The following MAOB variants were observed in gnomAD, a reference collection of about 807,000 sequenced individuals.
MAOB encodes the protein monoamine oxidase B.
In MAOB, 15 loss-of-function variants were observed where a neutral mutation model predicts 41.9. The observed-to-expected ratio is 0.36, with a 90% CI of 0.24 to 0.55. The LOEUF (loss-of-function observed/expected upper bound fraction) is 0.55, where lower values mean the gene tolerates loss of function less well. Ranked by LOEUF, MAOB falls within the 20% of genes least tolerant of loss-of-function variation. MAOB has a pLI of 0.86. For missense variants in MAOB, 345 were observed against 398.7 expected (o/e 0.87, Z 1.15); for synonymous variants, 167 against 144.2 (o/e 1.16, Z -1.13).
At chrX:43,839,856 C>T (rs1018014377) in intron 2 of MAOB, among the ~76,000 whole-genome samples, 1 of 112,087 alleles carries the variant, frequency 8.9e-6, no homozygotes, top group African/African-American at 3.2e-5. Context: ...CTCTTATATG[C>T]TGTATTTTTC....
chrX:43,818,441 C>G (rs931415786), intron 3 of MAOB, among the ~76,000 whole-genome samples: 1 of 112,050 alleles, frequency 8.9e-6, no homozygotes, highest in Admixed American at 9.5e-5. Context: ...TGCTTAACAT[C>G]AAGCTAGTTT....
intron 3 of MAOB, among the ~76,000 whole-genome samples, chrX:43,816,183 C>A (rs755999706): frequency 2.7e-5 from 3 of 111,623 alleles, no homozygotes; most frequent in Non-Finnish European, 5.7e-5. Context: ...TGATAGAAGT[C>A]AGGATACTGG....
intron 3 of MAOB, among the ~76,000 whole-genome samples, chrX:43,816,743 G>A (rs2034818877): frequency 1.8e-5 from 2 of 111,888 alleles, no homozygotes; most frequent in South Asian, 7.5e-4. Context: ...GACTTCCTCT[G>A]AGAGAGAAAT....
chrX:43,828,296 A>C (rs2034973250), intron 3 of MAOB, among the ~76,000 whole-genome samples: 1 of 112,343 alleles, frequency 8.9e-6, no homozygotes, highest in Non-Finnish European at 1.9e-5. Context: ...AGAAACATGT[A>C]TGGCTCTCTA....
chrX:43,800,231 C>T (rs939303897), intron 5 of MAOB, among the ~76,000 whole-genome samples: 1 of 110,778 alleles, frequency 9.0e-6, no homozygotes, highest in African/African-American at 3.3e-5. Flanking sequence ...TCCCTGTGAT[C>T]CCAAAAACAT....
At chrX:43,850,960 A>G (rs1436372500) in intron 1 of MAOB, among the ~76,000 whole-genome samples, 7 of 112,484 alleles carry the variant, frequency 6.2e-5, no homozygotes, top group African/African-American at 2.3e-4. Context: ...TATGCAAATG[A>G]TTGCATTTTC....
intron 1 of MAOB, among the ~76,000 whole-genome samples, chrX:43,866,590 G>A (rs188440194): frequency 7.1e-5 from 8 of 112,475 alleles, no homozygotes; most frequent in East Asian, 2.8e-4. Context: ...TGCTTAATGC[G>A]TACAGAGTTT....
chrX:43,852,477 G>A (rs1407628655), intron 1 of MAOB, among the ~76,000 whole-genome samples: 1 of 111,911 alleles, frequency 8.9e-6, no homozygotes, highest in Non-Finnish European at 1.9e-5. Context: ...GATGGAGAGA[G>A]GGATAAATAG....
chrX:43,805,357 TG>T (rs1417939386), intron 3 of MAOB, among the ~76,000 whole-genome samples: 1 of 111,820 alleles, frequency 8.9e-6, no homozygotes, highest in African/African-American at 3.3e-5. Flanking sequence ...TGGGGAGTTA[TG>T]ACACATGTGT....
At position 43,882,356 on chromosome X, in the gene MAOB, G is replaced by A; in HGVS notation, c.-57C>T. On this transcript the variant is annotated 5_prime_UTR_variant, in exon 1 of 15. Coordinates refer to ENST00000378069, the MANE Select transcript of MAOB (RefSeq NM_000898.5). Reference sequence around the variant, plus strand: ...CCCGCTGCTCCGTTTTCTGGGCCTCGATCCCAGTCCTGCCTGCCAGCCAGC... The same window carrying A: ...CCCGCTGCTCCGTTTTCTGGGCCTCAATCCCAGTCCTGCCTGCCAGCCAGC... The A allele has an allele frequency of 1.7e-6, 2 of 1,172,054 alleles. No homozygotes were observed. Among genetic ancestry groups the A allele is most frequent in the Non-Finnish European group, 2.3e-6 (2 of 877,269 alleles).
At chrX:43,869,375 A>G (rs1423123432) in intron 1 of MAOB, among the ~76,000 whole-genome samples, 4 of 112,013 alleles carry the variant, frequency 3.6e-5, no homozygotes, top group Non-Finnish European at 7.5e-5. Flanking sequence ...ATGTCTCCCA[A>G]CTGCTTTGCA....
At chrX:43,864,945 G>GAC (rs771533759) in intron 1 of MAOB, among the ~76,000 whole-genome samples, 197 of 111,918 alleles carry the variant, frequency 1.8e-3, no homozygotes, top group African/African-American at 5.7e-3. Flanking sequence ...TGCACTATGT[G>GAC]ACATTCAGTA....
intron 1 of MAOB, among the ~76,000 whole-genome samples, chrX:43,870,581 G>A (rs1158572183): frequency 9.1e-6 from 1 of 110,040 alleles, no homozygotes; most frequent in Non-Finnish European, 1.9e-5. Context: ...GGATCATGAG[G>A]TCAGGAGATC....
chrX:43,842,832 T>C (rs774028511), intron 2 of MAOB, among the ~76,000 whole-genome samples: 9 of 111,632 alleles, frequency 8.1e-5, no homozygotes, highest in African/African-American at 2.9e-4. Context: ...GAAAGACTTA[T>C]AAGTGGAATC....
rs868171694 is a variant in MAOB at position 43,766,651 on chromosome X, C to T, written c.*815G>A. 3.6e-5 allele frequency: 4 copies of T among 111,888 alleles called. No homozygotes were observed. In the South Asian group the frequency reaches 1.5e-3, roughly 41 times the overall value. 9.2% of individuals were successfully genotyped at this position (111,888 alleles called of 1,213,427 possible). On this transcript the variant is annotated 3_prime_UTR_variant, in exon 15 of 15. Transcript: ENST00000378069. ...TTATTTTTAATTACCCAAGTGTGTA[C>T]TGTCCTTTGTATGAAGATACAATGG...
In MAOB at chrX:43,812,143, A is replaced by C. The variant is rs929918120; in HGVS notation, c.280-8739T>G. ...TACTTCACTTAACAAAATGATCTCC[A>C]GTTCCATCCATGTTATTGCAAATGA... On this transcript the variant is annotated intron_variant, in intron 3 of 14. Coordinates refer to ENST00000378069, the MANE Select transcript of MAOB (RefSeq NM_000898.5). Among the ~76,000 whole-genome samples, 20 of 112,221 alleles carry C rather than the reference A, an allele frequency of 1.8e-4. 1 individual carries two copies. Among genetic ancestry groups the C allele is most frequent in the Non-Finnish European group, 3.2e-4 (17 of 53,277 alleles).
intron 7 of MAOB, 145 bp from the exon 8 acceptor site, chrX:43,793,723 T>C: frequency 2.1e-6 from 1 of 476,363 alleles, no homozygotes; most frequent in Non-Finnish European, 3.4e-6. Context: ...GTAGCCCTTA[T>C]TGTTCCTTAG....
At chrX:43,809,349 C>G (rs1019286579) in intron 3 of MAOB, among the ~76,000 whole-genome samples, 20 of 112,213 alleles carry the variant, frequency 1.8e-4, no homozygotes, top group African/African-American at 5.2e-4. Flanking sequence ...ACTCTAAAAC[C>G]AAAAACAGAG....
intron 2 of MAOB, among the ~76,000 whole-genome samples, chrX:43,840,737 T>C (rs2035125521): frequency 9.1e-6 from 1 of 110,316 alleles, no homozygotes; most frequent in South Asian, 4.0e-4. Context: ...GACTGTGCCA[T>C]GAGGAACAGT....
Sources: gnomAD v4.1 joint callset for allele counts (sites outside exome capture counted in the v4.1 genomes callset) on GRCh38, gnomAD v4.1.1 for gene constraint, MANE v1.5 for transcripts, NCBI Gene and HGNC (gene_info 2026-07-23, HGNC 2026-07-21) for gene names.